ANO5: variants seen among roughly 807,000 people sequenced by gnomAD.
The protein encoded by ANO5 is anoctamin-5.
In ANO5, 109 loss-of-function variants were observed where a neutral mutation model predicts 121.0. That is an observed-to-expected ratio of 0.90 (90% CI 0.77 to 1.06). The LOEUF (loss-of-function observed/expected upper bound fraction) is 1.06. ANO5 is among the 50% of genes least tolerant of loss of function. The pLI is 0.00. For synonymous variants in ANO5, 406 were observed against 359.9 expected, an observed-to-expected ratio of 1.13 and a Z score of -1.45; for missense variants, 1,064 against 1,078.5, an observed-to-expected ratio of 0.99 and a Z score of 0.19.
intron 15 of ANO5, chr11:22,261,326 C>T (rs74812803): frequency 0.061 from 9,245 of 152,150 alleles, 724 homozygotes; most frequent in East Asian, 0.21. Context: ...CATAAGGCAG[C>T]AGGAGAGAGA....
chr11:22,279,593 T>C lies in ANO5; in HGVS notation c.2570T>C (p.Val857Ala). The change falls in exon 22 of 22, where the codon GTT becomes GCT. Residue 857 changes from valine to alanine, a missense_variant. Transcript: ENST00000324559. ...TTGCTGGCCTGGATGATACCTGATG[T>C]TCCAAAAGATGTTGTGGAGAGAATC... ...KFLLAWMIPD[V>A]PKDVVERIKR... is the part of the protein sequence containing the mutation. 6.2e-7 allele frequency: 1 copy of C among 1,612,996 alleles called. No individual in the cohort carries two copies. The highest frequency in any genetic ancestry group is 8.5e-7 in the Non-Finnish European group (1 of 1,179,198).
In ANO5 at chr11:22,270,309, C is replaced by A; in HGVS notation, c.1899-3C>A. ...ATATATTAACTTTTATCACTTCCAACAGCTTGGCTTTGAATTGGTGGAGAC... is the reference window on the plus strand; with the variant it reads ...ATATATTAACTTTTATCACTTCCAAAAGCTTGGCTTTGAATTGGTGGAGAC... On this transcript the variant is annotated splice_polypyrimidine_tract_variant and splice_region_variant and intron_variant, in intron 17 of 21. Transcript: ENST00000324559. 3 of 1,614,094 alleles carry A rather than the reference C, an allele frequency of 1.9e-6. No individual in the cohort carries two copies. Among genetic ancestry groups the A allele is most frequent in the Non-Finnish European group, 2.5e-6 (3 of 1,179,970 alleles).
Position 22,193,681 on chromosome 11 carries a change from G to T in ANO5, c.40+149G>T, listed in dbSNP as rs967833647. ...GCGTGGCGTGCTCAGCGCGAAACCG[G>T]GACTGCGGGGCAGAGTCCCCCGCCT... On this transcript the variant is annotated intron_variant, in intron 1 of 21. Transcript: ENST00000324559. 15 of 1,069,540 alleles carry T rather than the reference G, an allele frequency of 1.4e-5. No individual in the cohort carries two copies. In the African/African-American group the frequency reaches 1.9e-4, roughly 13 times the overall value. The allele number at this position is 1,069,540 out of a possible 1,614,324, so 66.3% of individuals were successfully genotyped here. A position where few individuals can be genotyped will look rare whatever the true frequency, so the allele number is the denominator to read the frequency against.
intron 3 of ANO5, among the ~76,000 whole-genome samples, chr11:22,217,681 A>C (rs752601968): frequency 3.9e-5 from 6 of 152,094 alleles, no homozygotes; most frequent in Non-Finnish European, 5.9e-5. Context: ...ACACAAAAAC[A>C]GAAAACCAAA....
intron 1 of ANO5, 40 bp downstream of exon 1, chr11:22,193,572 G>T: frequency 1.2e-6 from 2 of 1,603,182 alleles, no homozygotes; most frequent in South Asian, 2.2e-5. Flanking sequence ...GAGCCAGGCT[G>T]GCTGCCTGCA....
chr11:22,252,053 A>AC (rs1252989314), intron 12 of ANO5, among the ~76,000 whole-genome samples: 14 of 142,702 alleles, frequency 9.8e-5, no homozygotes, highest in African/African-American at 3.8e-4. Flanking sequence ...AAAAAAAAAA[A>AC]AAAAAACTAG....
At chr11:22,209,726 T>C (rs1174763174) in intron 2 of ANO5, among the ~76,000 whole-genome samples, 2 of 151,898 alleles carry the variant, frequency 1.3e-5, no homozygotes, top group African/African-American at 4.8e-5. Flanking sequence ...GTAATCTAAG[T>C]TATTTTATTT....
intron 6 of ANO5, 140 bp downstream of exon 6, chr11:22,226,192 A>G: frequency 1.4e-6 from 1 of 696,702 alleles, no homozygotes. Context: ...CCGGGATGAT[A>G]GGGCCTGTGG....
chr11:22,238,568 C>T (rs1853316566), intron 8 of ANO5, among the ~76,000 whole-genome samples: 1 of 151,950 alleles, frequency 6.6e-6, no homozygotes, highest in South Asian at 2.1e-4. Context: ...TTTACAGAAT[C>T]ATTTTTCAAA....
chr11:22,254,595 A>C (rs1378668067), intron 12 of ANO5, among the ~76,000 whole-genome samples: 1 of 152,200 alleles, frequency 6.6e-6, no homozygotes, highest in Admixed American at 6.5e-5. Flanking sequence ...TGAACCAAAA[A>C]AAAAAAAGCT....
At chr11:22,207,485 G>T (rs891796440) in intron 2 of ANO5, among the ~76,000 whole-genome samples, 1 of 152,140 alleles carries the variant, frequency 6.6e-6, no homozygotes. Context: ...GCAAACTTAT[G>T]AACTTAACCT....
At chr11:22,265,495 T>G (rs1263675959) in intron 17 of ANO5, among the ~76,000 whole-genome samples, 2 of 152,078 alleles carry the variant, frequency 1.3e-5, no homozygotes, top group Admixed American at 1.3e-4. Flanking sequence ...AAGTACAGGA[T>G]GCAAGAAACA....
intron 1 of ANO5, among the ~76,000 whole-genome samples, chr11:22,198,570 T>C (rs1171674210): frequency 2.0e-5 from 3 of 152,134 alleles, no homozygotes; most frequent in Non-Finnish European, 4.4e-5. Flanking sequence ...TTATGTTAAA[T>C]GGAACAAAAA....
Position 22,282,076 on chromosome 11 carries a change from C to G in ANO5, c.*2311C>G, listed in dbSNP as rs1855101907. On this transcript the variant is annotated 3_prime_UTR_variant, in exon 22 of 22. Coordinates refer to ENST00000324559, the MANE Select transcript of ANO5 (RefSeq NM_213599.3). ...TAGATGTGTCTCATCTAATTAAACC[C>G]ATTGGTTTTTATGGGAGGGCTGCAT... is the stretch of plus-strand genomic sequence containing the variant. The G allele has an allele frequency of 6.6e-6, 1 of 152,040 alleles. No individual in the cohort carries two copies. The highest frequency in any genetic ancestry group is 2.4e-5 in the African/African-American group (1 of 41,406). The allele number at this position is 152,040 out of a possible 1,614,324, so 9.4% of individuals were successfully genotyped here.
At chr11:22,229,600 A>G (rs1357244640) in intron 7 of ANO5, among the ~76,000 whole-genome samples, 2 of 152,054 alleles carry the variant, frequency 1.3e-5, no homozygotes, top group East Asian at 3.9e-4. Context: ...GAAATAATAT[A>G]TGTAATGCAC....
intron 1 of ANO5, among the ~76,000 whole-genome samples, chr11:22,195,997 C>T (rs1050681093): frequency 2.6e-5 from 4 of 152,094 alleles, no homozygotes; most frequent in Non-Finnish European, 5.9e-5. Context: ...TCATATGACT[C>T]GTATATTTTT....
Position 22,250,339 on chromosome 11 carries a change from TG to T in ANO5, c.983del (p.Gly328AlafsTer23). On this transcript the variant is annotated frameshift_variant, in exon 10 of 22. Transcript: ENST00000324559. LOFTEE classifies it high-confidence loss of function. ...TAGTTGGCTTAGCTTGTTTTATTTA[TG>T]GCTTATTATCAATGGAACATAACAC... Reference protein sequence around the residue: ...AVVGLACFIYGLLSMEHNTSS... With the variant: ...AVVGLACFIYXLLSMEHNTSS... The T allele has an allele frequency of 1.2e-6, 2 of 1,613,554 alleles. No homozygotes were observed. The highest frequency in any genetic ancestry group is 8.5e-7 in the Non-Finnish European group (1 of 1,179,708).
At chr11:22,232,319 T>TA (rs1481474804) in intron 7 of ANO5, among the ~76,000 whole-genome samples, 2 of 152,014 alleles carry the variant, frequency 1.3e-5, no homozygotes, top group Non-Finnish European at 2.9e-5. Context: ...GCCATCTAGA[T>TA]ACGCAATTTT....
At chr11:22,251,629 C>T (rs569970359) in intron 12 of ANO5, among the ~76,000 whole-genome samples, 25 of 152,222 alleles carry the variant, frequency 1.6e-4, no homozygotes, top group African/African-American at 5.1e-4. Flanking sequence ...GACCTAAAGA[C>T]TGGTCTAAAA....
Sources: allele counts gnomAD v4.1 joint callset (sites outside exome capture counted in the v4.1 genomes callset), GRCh38; gene constraint gnomAD v4.1.1; transcripts MANE v1.5; gene names NCBI Gene and HGNC (gene_info 2026-07-23, HGNC 2026-07-21).